F8: variants seen among roughly 807,000 people sequenced by gnomAD.
The protein encoded by F8 is antihemophilic factor.
F8 carries 12 observed loss-of-function variants against 140.6 expected under a neutral mutation model. That is an observed-to-expected ratio of 0.09 (90% confidence interval 0.05 to 0.14). The LOEUF (loss-of-function observed/expected upper bound fraction) is 0.14. Among genes scored for constraint, F8 ranks in the 10% least tolerant of loss-of-function variants. The probability of loss-of-function intolerance (pLI) is 1.00; values close to 1 mark genes in which losing one functional copy is unlikely to be tolerated. For missense variants in F8, 1,354 were observed against 1,720.7 expected, an observed-to-expected ratio of 0.79 and a Z score of 3.77; for synonymous variants, 585 against 614.6, an observed-to-expected ratio of 0.95 and a Z score of 0.71.
chrX:154,969,282 A>C, intron 7 of F8, 49 bp downstream of exon 7: 1 of 1,094,148 alleles, frequency 9.1e-7, no homozygotes. Flanking sequence ...TTTTATTAAA[A>C]GTAGGACTGG....
At chrX:155,013,100 C>G (rs186109614) in intron 1 of F8, among the ~76,000 whole-genome samples, 5 of 97,454 alleles carry the variant, frequency 5.1e-5, no homozygotes, top group African/African-American at 7.9e-5. Flanking sequence ...GAGCCGAGAT[C>G]GCACCACTGC....
intron 25 of F8, among the ~76,000 whole-genome samples, chrX:154,854,860 G>C (rs782682413): frequency 9.0e-6 from 1 of 111,689 alleles, no homozygotes; most frequent in Non-Finnish European, 1.9e-5. Context: ...GGCTGGGCGC[G>C]GTGGCTCACG....
At position 154,931,000 on chromosome X, in the gene F8, A is replaced by T; in HGVS notation, c.2790T>A (p.Val930=). Reference sequence around the variant, plus strand: ...TGGTATCTAATTGACTATCATAATGAACTGGCATACTTGGGGGTCCTAAGG... The same window carrying T: ...TGGTATCTAATTGACTATCATAATGTACTGGCATACTTGGGGGTCCTAAGG... ...TSSLGPPSMP[V]HYDSQLDTTL... is the part of the protein sequence containing the mutation. The change falls in exon 14 of 26, where the codon GTT becomes GTA. Residue 930 remains valine (V), a synonymous_variant. Transcript: ENST00000360256. The T allele has an allele frequency of 8.4e-7, 1 of 1,193,921 alleles. No individual in the cohort carries two copies. Among genetic ancestry groups the T allele is most frequent in the Non-Finnish European group, 1.1e-6 (1 of 887,384 alleles).
intron 7 of F8, among the ~76,000 whole-genome samples, chrX:154,968,855 T>C (rs1038312678): frequency 1.2e-4 from 13 of 110,614 alleles, no homozygotes; most frequent in African/African-American, 3.6e-4. Context: ...ATATTTGCTA[T>C]TTACTGCTCT....
intron 25 of F8, among the ~76,000 whole-genome samples, chrX:154,846,872 C>T (rs782441855): frequency 1.4e-4 from 16 of 111,982 alleles, no homozygotes; most frequent in African/African-American, 5.2e-4. Context: ...CAGTTTCTTC[C>T]TAGCATCGAT....
At chrX:154,921,505 T>G (rs1331871321) in intron 14 of F8, among the ~76,000 whole-genome samples, 4 of 111,940 alleles carry the variant, frequency 3.6e-5, no homozygotes, top group Non-Finnish European at 5.6e-5. Flanking sequence ...GAAATGCCAT[T>G]TGACCCAGCC....
rs201489876 is a variant in F8, at chrX:154,943,940, T to A, written c.2113+3758A>T. On this transcript the variant is annotated intron_variant, in intron 13 of 25. Transcript: ENST00000360256. ...GGGAAAGGATTCCCTATTTAATAAA[T>A]GGTGCTGGGAAAACTGGCTAGCCAT... Among the ~76,000 whole-genome samples the A allele has an allele frequency of 1.9e-4, 21 of 111,841 alleles. No individual in the cohort carries two copies. In the East Asian group the frequency reaches 3.9e-3, roughly 21 times the overall value.
rs187465415 is a variant in F8 at position 154,949,580 on chromosome X, C to T, written c.1904-1673G>A. Among the ~76,000 whole-genome samples, 425 of 111,974 alleles carry T rather than the reference C, an allele frequency of 3.8e-3. 4 individuals carry two copies. Among genetic ancestry groups the T allele is most frequent in the African/African-American group, 0.013 (398 of 30,810 alleles). On this transcript the variant is annotated intron_variant, in intron 12 of 25. Coordinates refer to ENST00000360256, the MANE Select transcript of F8 (RefSeq NM_000132.4). ...CTACTTTTGGGTGCTGTACTAGTGG[C>T]TAGGGTTGCCATAACAATATACCAC...
chrX:154,907,979 A>G (rs1425968531), intron 14 of F8, among the ~76,000 whole-genome samples: 2 of 111,871 alleles, frequency 1.8e-5, no homozygotes, highest in Non-Finnish European at 3.8e-5. Flanking sequence ...ATTTATAAAA[A>G]AAAACCTTAT....
intron 25 of F8, among the ~76,000 whole-genome samples, chrX:154,842,588 G>C (rs782737582): frequency 9.0e-6 from 1 of 111,728 alleles, no homozygotes; most frequent in Non-Finnish European, 1.9e-5. Context: ...TGACACATGG[G>C]TTTAAAAGTA....
At chrX:154,974,634 T>C (rs2073475342) in intron 6 of F8, among the ~76,000 whole-genome samples, 1 of 112,106 alleles carries the variant, frequency 8.9e-6, no homozygotes, top group South Asian at 3.6e-4. Flanking sequence ...TTTCTTCCTT[T>C]TCAATTTTTT....
In F8 at chrX:154,900,278, G is replaced by A. The variant is rs988886455; in HGVS notation, c.6188-327C>T. ...AGATGGAGTCTTGCTTTGTCACCCA[G>A]GCTGGAGTGCAATGGCATGATCTTG... On this transcript the variant is annotated intron_variant, in intron 20 of 25. Transcript: ENST00000360256. Among the ~76,000 whole-genome samples the A allele has an allele frequency of 5.4e-5, 6 of 110,840 alleles. No individual in the cohort carries two copies. In the South Asian group the frequency reaches 1.5e-3, roughly 28 times the overall value.
chrX:154,904,927 T>G lies in F8; in HGVS notation c.5470A>C (p.Asn1824His), dbSNP rs1603432999. ...TTGGTTTCATTAGGCTTGACAAAGT[T>G]TTTTCTAGGTTCTGCTCCTTGCCTC... ...DQRQGAEPRK[N>H]FVKPNETKTY... The change falls in exon 16 of 26, where the codon AAC becomes CAC. Residue 1824 changes from asparagine (N) to histidine (H), a missense_variant. Physicochemically the swap from Asn to His is moderately conservative, Grantham distance 68. Coordinates refer to ENST00000360256, the MANE Select transcript of F8 (RefSeq NM_000132.4). The G allele has an allele frequency of 8.3e-7, 1 of 1,210,015 alleles. No homozygotes were observed. The highest frequency in any genetic ancestry group is 1.1e-6 in the Non-Finnish European group (1 of 894,444).
chrX:154,888,380 A>ATTTTTTT lies in F8; in HGVS notation c.6429+7690_6429+7696dup, dbSNP rs782710109. On this transcript the variant is annotated intron_variant, in intron 22 of 25. Transcript: ENST00000360256. Reference sequence around the variant, plus strand: ...ACAACAGCTTTTATTTGTAATAGGGATTTTTTTTTTTTTTTTTTTTTTTTT... The same window carrying ATTTTTTT: ...ACAACAGCTTTTATTTGTAATAGGGATTTTTTTTTTTTTTTTTTTTTTTTTTTTTTTT... 9.0e-4 allele frequency among the ~76,000 whole-genome samples: 20 copies of ATTTTTTT among 22,269 alleles called. 1 individual carries two copies. The highest frequency in any genetic ancestry group is 6.2e-3 in the African/African-American group (20 of 3,234). 19.3% of individuals were successfully genotyped at this position (22,269 alleles called of 115,157 possible).
rs913744442 is a variant in F8 at position 154,929,630 on chromosome X, G to A, written c.4160C>T (p.Ser1387Phe). 8.3e-7 allele frequency: 1 copy of A among 1,208,763 alleles called. No homozygotes were observed. The highest frequency in any genetic ancestry group is 1.1e-6 in the Non-Finnish European group (1 of 894,318). ...CCTCGTAAGGCAATCTGATAAGGGA[G>A]ACTGAGTAATGGCCCCTTTCTCCTT... is the stretch of plus-strand genomic sequence containing the variant. Reference protein sequence around the residue: ...NEKEKGAITQSPLSDCLTRSH... With the variant: ...NEKEKGAITQFPLSDCLTRSH... The change falls in exon 14 of 26, where the codon TCT (serine) becomes TTT (phenylalanine). Residue 1387 changes from serine (S) to phenylalanine (F), a missense_variant. Ser to Phe is a radical substitution (Grantham distance 155). Coordinates refer to ENST00000360256, the MANE Select transcript of F8 (RefSeq NM_000132.4).
chrX:154,850,548 T>C (rs1191055842), intron 25 of F8, among the ~76,000 whole-genome samples: 8 of 105,369 alleles, frequency 7.6e-5, no homozygotes, highest in African/African-American at 2.8e-4. Context: ...GGCACAACCC[T>C]AGCTCACTGC....
At chrX:154,842,203 C>T (rs1557271385) in intron 25 of F8, among the ~76,000 whole-genome samples, 1 of 111,005 alleles carries the variant, frequency 9.0e-6, no homozygotes, top group African/African-American at 3.3e-5. Context: ...TTATTGATGT[C>T]CAGTTTTTTA....
At chrX:154,952,339 GAAT>G (rs1972780416) in intron 12 of F8, among the ~76,000 whole-genome samples, 2 of 111,369 alleles carry the variant, frequency 1.8e-5, no homozygotes, top group Admixed American at 1.9e-4. Flanking sequence ...AAAATTTTTA[GAAT>G]AATGGATAGT....
intron 13 of F8, among the ~76,000 whole-genome samples, chrX:154,944,287 A>G (rs1475930976): frequency 9.2e-6 from 1 of 109,189 alleles, no homozygotes; most frequent in Non-Finnish European, 1.9e-5. Context: ...AAGGGCTAAT[A>G]TCCAGAATCT....
Sources: allele counts gnomAD v4.1 joint callset (sites outside exome capture counted in the v4.1 genomes callset), GRCh38; gene constraint gnomAD v4.1.1; transcripts MANE v1.5; gene names NCBI Gene and HGNC (gene_info 2026-07-23, HGNC 2026-07-21).